Variants in RYR3 observed in about 807,000 individuals in gnomAD.
The protein encoded by RYR3 is brain ryanodine receptor-calcium release channel.
In RYR3, 207 loss-of-function variants were observed where a neutral mutation model predicts 584.3. The ratio of observed to expected loss-of-function variants is 0.35; its 90% CI spans 0.32 to 0.40. The LOEUF (loss-of-function observed/expected upper bound fraction) is 0.40, where lower values mean the gene tolerates loss of function less well. RYR3 is among the 10% of genes least tolerant of loss of function. The probability of loss-of-function intolerance (pLI) is 1.00; values close to 1 mark genes in which losing one functional copy is unlikely to be tolerated. For synonymous variants in RYR3, 2,416 were observed against 2,248.5 expected, an observed-to-expected ratio of 1.07 and a Z score of -2.11; for missense variants, 5,616 against 6,089.2, an observed-to-expected ratio of 0.92 and a Z score of 2.59.
rs771092854 is a variant in RYR3, at chr15:33,623,892, C to G, written c.2443C>G (p.Pro815Ala). The change falls in exon 20 of 104, where the codon CCA (proline) becomes GCA (alanine). Residue 815 changes from proline (P) to alanine (A), a missense_variant. Around this residue, in one of 9 missense-constraint regions of RYR3, gnomAD observed 1,284 missense variants for 1,344.6 expected, o/e 0.95. Transcript: ENST00000634891. Reference sequence around the variant, plus strand: ...TGCCCCTTGCTATGAAGCCTTACTTCCAAAAGAGAAGATGAGATTGGAGCC... The same window carrying G: ...TGCCCCTTGCTATGAAGCCTTACTTGCAAAAGAGAAGATGAGATTGGAGCC... ...GYAPCYEALL[P>A]KEKMRLEPVK... 1.2e-6 allele frequency: 2 copies of G among 1,613,668 alleles called. No individual in the cohort carries two copies. Among genetic ancestry groups the G allele is most frequent in the African/African-American group, 2.7e-5 (2 of 74,886 alleles).
At chr15:33,862,799 CAGGGTTT>C (rs1461858528) in intron 102 of RYR3, among the ~76,000 whole-genome samples, 3 of 152,062 alleles carry the variant, frequency 2.0e-5, no homozygotes, top group Non-Finnish European at 4.4e-5. Flanking sequence ...TTAGTAGAGA[CAGGGTTT>C]CACCGTGTTG....
intron 38 of RYR3, among the ~76,000 whole-genome samples, chr15:33,683,742 G>A (rs1337234141): frequency 6.6e-6 from 1 of 152,258 alleles, no homozygotes; most frequent in Non-Finnish European, 1.5e-5. Context: ...ACGGGAAGCC[G>A]TGACAGACTG....
At chr15:33,429,679 G>T (rs1233843575) in intron 1 of RYR3, among the ~76,000 whole-genome samples, 1 of 152,154 alleles carries the variant, frequency 6.6e-6, no homozygotes, top group Admixed American at 6.5e-5. Flanking sequence ...ATTTTGAGAA[G>T]ACTTCTTCCT....
chr15:33,335,876 G>A (rs1323111048), intron 1 of RYR3, among the ~76,000 whole-genome samples: 2 of 152,102 alleles, frequency 1.3e-5, no homozygotes, highest in African/African-American at 4.8e-5. Context: ...TAGAAGAAGA[G>A]AAAGGTTGGA....
chr15:33,637,672 T>A (rs1346010116), intron 27 of RYR3, among the ~76,000 whole-genome samples: 3 of 152,238 alleles, frequency 2.0e-5, no homozygotes, highest in Non-Finnish European at 4.4e-5. Flanking sequence ...CACAAATACA[T>A]GAAACTGTGT....
rs1309820901 is a variant in RYR3, at chr15:33,625,284, TC to T, written c.2574+1266del. 5.9e-5 allele frequency among the ~76,000 whole-genome samples: 9 copies of T among 152,182 alleles called. No homozygotes were observed. In the Middle Eastern group the frequency reaches 0.01, roughly 173 times the overall value. On this transcript the variant is annotated intron_variant, in intron 20 of 103. Transcript: ENST00000634891. ...ATCAAATCACTTCCCAACAGGCCCT[TC>T]CCCCGACATGTGGGAATTACAATTC...
intron 5 of RYR3, among the ~76,000 whole-genome samples, chr15:33,533,723 T>A (rs1381090733): frequency 6.6e-6 from 1 of 152,128 alleles, no homozygotes; most frequent in East Asian, 1.9e-4. Flanking sequence ...AATAAAGGTG[T>A]CGTAATAAAG....
At chr15:33,499,169 A>C (rs2051719323) in intron 2 of RYR3, among the ~76,000 whole-genome samples, 12 of 138,236 alleles carry the variant, frequency 8.7e-5, no homozygotes, top group South Asian at 2.4e-4. Context: ...CCCCATGCTT[A>C]CTCCCCTCCC....
At chr15:33,362,256 C>A (rs1433846511) in intron 1 of RYR3, among the ~76,000 whole-genome samples, 2 of 152,154 alleles carry the variant, frequency 1.3e-5, no homozygotes, top group East Asian at 3.9e-4. Context: ...TCTTTACCCT[C>A]CCTGTGATCC....
At chr15:33,369,411 A>C (rs2141077117) in intron 1 of RYR3, among the ~76,000 whole-genome samples, 1 of 152,250 alleles carries the variant, frequency 6.6e-6, no homozygotes, top group East Asian at 1.9e-4. Context: ...CCTTTTGTTA[A>C]AAGCCTACTC....
chr15:33,655,804 C>T (rs2062793725), intron 32 of RYR3, among the ~76,000 whole-genome samples: 1 of 152,210 alleles, frequency 6.6e-6, no homozygotes, highest in Non-Finnish European at 1.5e-5. Context: ...CATTTGGTCC[C>T]TGACAGTGGG....
rs144816583 is a variant in RYR3 at position 33,527,076 on chromosome 15, T to C, written c.280-3516T>C. Among the ~76,000 whole-genome samples, 193 of 152,070 alleles carry C rather than the reference T, an allele frequency of 1.3e-3. No individual in the cohort carries two copies. The Middle Eastern group carries it at 0.034, about 27-fold the overall frequency. ...AGTATGATTGGAGCAGAGGATGTGA[T>C]GGAGAGCGTGCTGCTGGCAGGTGAA... On this transcript the variant is annotated intron_variant, in intron 3 of 103. Transcript: ENST00000634891.
In RYR3 at chr15:33,471,814, A is replaced by G. The variant is rs188717701; in HGVS notation, c.52-1605A>G. Among the ~76,000 whole-genome samples, 51 of 152,240 alleles carry G rather than the reference A, an allele frequency of 3.3e-4. 1 individual carries two copies. The East Asian group carries it at 9.7e-3, about 29-fold the overall frequency. On this transcript the variant is annotated intron_variant, in intron 1 of 103. Transcript: ENST00000634891. ...CTACCTCTTGCATTGCTGATGACTT[A>G]ACTTCCATGGCCCCTGCTTTCCAAC...
At chr15:33,622,573 T>C (rs956287031) in intron 19 of RYR3, among the ~76,000 whole-genome samples, 2 of 152,236 alleles carry the variant, frequency 1.3e-5, no homozygotes, top group South Asian at 2.1e-4. Flanking sequence ...AGGGATGCCA[T>C]ATACCTTGTT....
At chr15:33,696,830 C>G (rs978536333) in intron 39 of RYR3, among the ~76,000 whole-genome samples, 3 of 152,142 alleles carry the variant, frequency 2.0e-5, no homozygotes, top group Admixed American at 6.5e-5. Flanking sequence ...GCTTTTGACT[C>G]GAAATCTTCC....
intron 1 of RYR3, among the ~76,000 whole-genome samples, chr15:33,362,503 A>AT (rs988779386): frequency 6.6e-6 from 1 of 152,150 alleles, no homozygotes; most frequent in Non-Finnish European, 1.5e-5. Context: ...GCACATTTGT[A>AT]TTAATATAAA....
At position 33,566,543 on chromosome 15, in the gene RYR3, A is replaced by G. The variant is rs1009611906; in HGVS notation, c.1147-135A>G. ...GGTGCAATAGCTTCGCTAATGTCCC[A>G]TTCTCAAAATGGACCCAAGAGAGCT... On this transcript the variant is annotated intron_variant, in intron 11 of 103. Coordinates refer to ENST00000634891, the MANE Select transcript of RYR3 (RefSeq NM_001036.6). The G allele has an allele frequency of 2.5e-5, 23 of 919,246 alleles. No homozygotes were observed. In the African/African-American group the frequency reaches 3.3e-4, roughly 13 times the overall value. The allele number at this position is 919,246 out of a possible 1,614,324, so 56.9% of individuals were successfully genotyped here. A position where few individuals can be genotyped will look rare whatever the true frequency, so the allele number is the denominator to read the frequency against.
intron 1 of RYR3, among the ~76,000 whole-genome samples, chr15:33,458,596 C>G (rs2047755674): frequency 6.6e-6 from 1 of 152,190 alleles, no homozygotes; most frequent in African/African-American, 2.4e-5. Flanking sequence ...TTTTAAACTT[C>G]TCAGTTCATT....
At chr15:33,826,391 T>C in intron 83 of RYR3, 122 bp downstream of exon 83, 1 of 1,008,068 alleles carries the variant, frequency 9.9e-7, no homozygotes, top group Non-Finnish European at 1.6e-6. Flanking sequence ...ACTCAGCAGT[T>C]TGGTACTTAA....
Sources: gnomAD v4.1 joint callset for allele counts (sites outside exome capture counted in the v4.1 genomes callset) on GRCh38, gnomAD v4.1.1 for gene constraint, gnomAD v4.1.1 regional missense constraint, MANE v1.5 for transcripts, NCBI Gene and HGNC (gene_info 2026-07-23, HGNC 2026-07-21) for gene names.